The following OGT variants were observed in gnomAD, a reference collection of about 807,000 sequenced individuals.
The protein encoded by OGT is O-linked N-acetylglucosamine (GlcNAc) transferase, also known as UDP-N-acetylglucosamine--peptide N-acetylglucosaminyltransferase 110 kDa subunit.
A neutral mutation model predicts 75.8 loss-of-function variants in OGT; 3 were observed. That is an observed-to-expected ratio of 0.04 (90% CI 0.02 to 0.10). The LOEUF (loss-of-function observed/expected upper bound fraction) is 0.10. OGT is among the 10% of genes least tolerant of loss of function. The pLI is 1.00. For synonymous variants in OGT, 257 were observed against 289.7 expected, an observed-to-expected ratio of 0.89 and a Z score of 1.15; for missense variants, 260 against 824.4, an observed-to-expected ratio of 0.32 and a Z score of 8.38.
intron 7 of OGT, 68 bp from the exon 8 acceptor site, chrX:71,555,886 A>G: frequency 8.9e-7 from 1 of 1,128,635 alleles, no homozygotes; most frequent in South Asian, 2.0e-5. Flanking sequence ...TTAAACAATT[A>G]TTAGAACAGT....
intron 7 of OGT, 65 bp from the exon 8 acceptor site, chrX:71,555,889 A>G: frequency 1.8e-6 from 2 of 1,127,488 alleles, no homozygotes; most frequent in Non-Finnish European, 2.4e-6. Flanking sequence ...AACAATTATT[A>G]GAACAGTATC....
chrX:71,550,032 A>G (rs964286465), intron 5 of OGT, among the ~76,000 whole-genome samples: 24 of 112,367 alleles, frequency 2.1e-4, no homozygotes, highest in African/African-American at 5.5e-4. Flanking sequence ...CTTATCAAGT[A>G]TGTTTAAATC....
In OGT at chrX:71,533,350, G is replaced by C; in HGVS notation, c.37+14G>C. On this transcript the variant is annotated intron_variant, in intron 1 of 21. Coordinates refer to ENST00000373719, the MANE Select transcript of OGT (RefSeq NM_181672.3). ...CCGACAGCACAGGTACCGGTGTCCC[G>C]TTCTACCTTGGCAGATGCCCCCTTG... The C allele has an allele frequency of 8.4e-7, 1 of 1,187,814 alleles. No individual in the cohort carries two copies. The highest frequency in any genetic ancestry group is 1.1e-6 in the Non-Finnish European group (1 of 882,161).
chrX:71,562,806 G>T, intron 15 of OGT, 41 bp from the exon 16 acceptor site: 1 of 1,128,136 alleles, frequency 8.9e-7, no homozygotes, highest in Non-Finnish European at 1.2e-6. Flanking sequence ...TAAGTGTACT[G>T]ATAAAAGTTC....
chrX:71,562,163 A>G (rs892359694), intron 15 of OGT, among the ~76,000 whole-genome samples: 2 of 112,540 alleles, frequency 1.8e-5, no homozygotes, highest in African/African-American at 6.5e-5. Context: ...TAGCATTTTG[A>G]AAGTTAGTCT....
intron 14 of OGT, among the ~76,000 whole-genome samples, chrX:71,560,600 A>T (rs1223980445): frequency 8.9e-6 from 1 of 112,061 alleles, no homozygotes; most frequent in Admixed American, 9.5e-5. Context: ...ATACATGTGT[A>T]TGTGTATATA....
At chrX:71,536,383 C>T (rs749762191) in intron 2 of OGT, 25 bp downstream of exon 2, 8 of 1,074,079 alleles carry the variant, frequency 7.4e-6, no homozygotes, top group Admixed American at 3.1e-5. Context: ...GGTACCTGCT[C>T]GTGATTGCTG....
chrX:71,568,869 A>C (rs912590859), intron 21 of OGT, among the ~76,000 whole-genome samples: 1 of 110,267 alleles, frequency 9.1e-6, no homozygotes, highest in African/African-American at 3.3e-5. Context: ...CAAAAAAAAA[A>C]CCAAACAAAC....
At chrX:71,534,223 C>A (rs902335278) in intron 1 of OGT, 2 of 111,603 alleles carry the variant, frequency 1.8e-5, no homozygotes, top group Non-Finnish European at 3.8e-5. Flanking sequence ...GGTCTGCCAT[C>A]CCCATTCTTC....
At position 71,555,376 on chromosome X, in the gene OGT, G is replaced by A. The variant is rs2040335792; in HGVS notation, c.915G>A (p.Glu305=). ...GCAACCTAGCCAATGCTCTCAAAGA[G>A]AAGGGCAGTGTAAGGATTTTTACTC... ...AYCNLANALK[E]KGSVAEAEDC... is the part of the protein sequence containing the mutation. The change falls in exon 7 of 22, where the codon GAG becomes GAA. Residue 305 remains glutamate (E), a synonymous_variant. Transcript: ENST00000373719. 3.3e-6 allele frequency: 4 copies of A among 1,208,237 alleles called. No homozygotes were observed. The highest frequency in any genetic ancestry group is 4.5e-6 in the Non-Finnish European group (4 of 892,914).
intron 3 of OGT, among the ~76,000 whole-genome samples, chrX:71,542,483 C>T (rs748235116): frequency 1.6e-4 from 18 of 112,068 alleles, no homozygotes; most frequent in African/African-American, 5.2e-4. Context: ...ATATAGTATA[C>T]TGTAATGGAT....
chrX:71,533,669 C>G (rs780434117), intron 1 of OGT, among the ~76,000 whole-genome samples: 1 of 111,294 alleles, frequency 9.0e-6, no homozygotes, highest in Non-Finnish European at 1.9e-5. Context: ...GGAATCCCTG[C>G]CCTTTCACTC....
At chrX:71,552,724 T>C (rs966825058) in intron 5 of OGT, among the ~76,000 whole-genome samples, 9 of 109,131 alleles carry the variant, frequency 8.2e-5, no homozygotes, top group African/African-American at 3.0e-4. Context: ...TTTTTTTTTT[T>C]TTTCTGTTAG....
chrX:71,572,972 G>A (rs937307181), intron 21 of OGT, among the ~76,000 whole-genome samples: 3 of 111,224 alleles, frequency 2.7e-5, no homozygotes, highest in African/African-American at 9.8e-5. Flanking sequence ...CATACTCTTG[G>A]TGATATTAGC....
intron 12 of OGT, among the ~76,000 whole-genome samples, chrX:71,558,940 A>ATT (rs1225555559): frequency 1.7e-4 from 14 of 83,509 alleles, no homozygotes; most frequent in Non-Finnish European, 1.7e-4. Flanking sequence ...CGCCCAGCTA[A>ATT]TTTTTTTTTT....
chrX:71,533,995 C>T (rs888670130), intron 1 of OGT, among the ~76,000 whole-genome samples: 3 of 111,261 alleles, frequency 2.7e-5, no homozygotes, highest in African/African-American at 9.8e-5. Context: ...CAGGGGTTTC[C>T]TTTGCCATCG....
chrX:71,567,470 T>C, intron 19 of OGT, 30 bp from the exon 20 acceptor site: 1 of 1,101,959 alleles, frequency 9.1e-7, no homozygotes, highest in Non-Finnish European at 1.2e-6. Flanking sequence ...GATCTGCTAT[T>C]AATAATTATT....
chrX:71,546,073 C>A, intron 4 of OGT: 1 of 567,342 alleles, frequency 1.8e-6, no homozygotes, highest in Non-Finnish European at 2.1e-6. Flanking sequence ...AAAATTCAAG[C>A]CAGCATATTC....
Position 71,533,250 on chromosome X carries a change from C to T in OGT, c.-50C>T, listed in dbSNP as rs367693503. 8 of 1,141,517 alleles carry T rather than the reference C, an allele frequency of 7.0e-6. No individual in the cohort carries two copies. Among genetic ancestry groups the T allele is most frequent in the Middle Eastern group, 2.3e-4 (1 of 4,260 alleles). 94.1% of individuals were successfully genotyped at this position (1,141,517 alleles called of 1,213,427 possible). A position where few individuals can be genotyped will look rare whatever the true frequency, so the allele number is the denominator to read the frequency against. The stretch of plus-strand genomic sequence containing the variant: ...CCAAATACGTTCTTGCTGGTAGTGG[C>T]GGCAGCAGGACCAATTACCTCTTTT... On this transcript the variant is annotated 5_prime_UTR_variant, in exon 1 of 22. Transcript: ENST00000373719.
Sources: allele counts gnomAD v4.1 joint callset (sites outside exome capture counted in the v4.1 genomes callset), GRCh38; gene constraint gnomAD v4.1.1; transcripts MANE v1.5; gene names NCBI Gene and HGNC (gene_info 2026-07-23, HGNC 2026-07-21).